RAB31: variants seen among roughly 807,000 people sequenced by gnomAD.
RAB31 encodes the protein RAB31, member RAS oncogene family.
In RAB31, 21 loss-of-function variants were observed where a neutral mutation model predicts 25.6. The ratio of observed to expected loss-of-function variants is 0.82; its 90% CI spans 0.58 to 1.18. The LOEUF is 1.18. RAB31 is among the 50% of genes most tolerant of loss of function. The pLI, the probability that RAB31 is intolerant of heterozygous loss-of-function variation, is 0.00. For missense variants in RAB31, 196 were observed against 250.1 expected (o/e 0.78, Z 1.46); for synonymous variants, 87 against 84.0 (o/e 1.04, Z -0.20).
chr18:9,715,812 G>C (rs189890535), intron 1 of RAB31, among the ~76,000 whole-genome samples: 1 of 152,146 alleles, frequency 6.6e-6, no homozygotes, highest in South Asian at 2.1e-4. Context: ...GATTACAGGC[G>C]TGAGCCACTG....
chr18:9,762,486 C>T (rs55959463), intron 1 of RAB31, among the ~76,000 whole-genome samples: 35,193 of 152,134 alleles, frequency 0.23, 5,158 homozygotes, highest in Non-Finnish European at 0.33. Context: ...GGAGCTCACA[C>T]ATGTGTTGCT....
intron 6 of RAB31, among the ~76,000 whole-genome samples, chr18:9,851,841 A>G (rs2068790726): frequency 6.6e-6 from 1 of 152,054 alleles, no homozygotes; most frequent in African/African-American, 2.4e-5. Context: ...TTATTTCACA[A>G]TATATCTCAT....
intron 1 of RAB31, among the ~76,000 whole-genome samples, chr18:9,744,486 T>C (rs1160353813): frequency 2.0e-5 from 3 of 152,246 alleles, no homozygotes; most frequent in Non-Finnish European, 4.4e-5. Context: ...ATAAAATCTT[T>C]GACATGTTCA....
intron 3 of RAB31, among the ~76,000 whole-genome samples, chr18:9,803,854 A>G (rs1367563047): frequency 3.9e-5 from 6 of 152,238 alleles, no homozygotes; most frequent in African/African-American, 1.2e-4. Flanking sequence ...GGCCCCCAGA[A>G]CTGTCGTGCC....
At chr18:9,813,787 G>A (rs2068587088) in intron 3 of RAB31, among the ~76,000 whole-genome samples, 1 of 152,150 alleles carries the variant, frequency 6.6e-6, no homozygotes, top group South Asian at 2.1e-4. Context: ...AGGAGGTGGA[G>A]GTTGCAGTGA....
chr18:9,760,595 C>T (rs1439425913), intron 1 of RAB31, among the ~76,000 whole-genome samples: 1 of 152,122 alleles, frequency 6.6e-6, no homozygotes, highest in Admixed American at 6.5e-5. Context: ...TTATTTAAAG[C>T]CGAGAGATGA....
At chr18:9,805,133 G>A (rs4798865) in intron 3 of RAB31, among the ~76,000 whole-genome samples, 34,153 of 151,648 alleles carry the variant, frequency 0.23, 3,861 homozygotes, top group South Asian at 0.31. Flanking sequence ...ACATGCAGCT[G>A]TAGTCCCAGC....
chr18:9,778,077 A>G (rs949596305), intron 2 of RAB31, among the ~76,000 whole-genome samples: 13 of 152,130 alleles, frequency 8.5e-5, no homozygotes, highest in Non-Finnish European at 1.8e-4. Flanking sequence ...TTAAAGTAAA[A>G]AGACAGTGCA....
chr18:9,775,269 C>T lies in RAB31; in HGVS notation c.40-9C>T, dbSNP rs778015516. 3.7e-6 allele frequency: 6 copies of T among 1,613,680 alleles called. No homozygotes were observed. The Admixed American group carries it at 1.0e-4, about 27-fold the overall frequency. On this transcript the variant is annotated splice_polypyrimidine_tract_variant and intron_variant, in intron 1 of 6. Coordinates refer to ENST00000578921, the MANE Select transcript of RAB31 (RefSeq NM_006868.4). ...TCATCTTCACGGTTGTATCCTCATT[C>T]TTTCCTAGGACACTGGGGTTGGGAA...
rs1014688346 is a variant in RAB31, at chr18:9,852,130, T to C, written c.490+6439T>C. Reference sequence around the variant, plus strand: ...CAAACATATACACAAGTGCACTGAATAATATAGTGAACCATTGTATACTCA... The same window carrying C: ...CAAACATATACACAAGTGCACTGAACAATATAGTGAACCATTGTATACTCA... On this transcript the variant is annotated intron_variant, in intron 6 of 6. Coordinates refer to ENST00000578921, the MANE Select transcript of RAB31 (RefSeq NM_006868.4). 8.5e-5 allele frequency among the ~76,000 whole-genome samples: 13 copies of C among 152,260 alleles called. No homozygotes were observed. In the East Asian group the frequency reaches 2.1e-3, roughly 25 times the overall value.
rs2067997557 is a variant in RAB31 at position 9,708,465 on chromosome 18, G to T, written c.39+21G>T. The T allele has an allele frequency of 1.9e-6, 3 of 1,550,596 alleles. No homozygotes were observed. The highest frequency in any genetic ancestry group is 2.6e-6 in the Non-Finnish European group (3 of 1,149,798). ...TCGGGGTGAGTCCTGGCCGCCACCC[G>T]CCGGCGGACCCCGGCCCGCGCTCTC... On this transcript the variant is annotated intron_variant, in intron 1 of 6. Coordinates refer to ENST00000578921, the MANE Select transcript of RAB31 (RefSeq NM_006868.4). The surrounding 1 kb of genome is among the most constrained non-coding windows in gnomAD (Gnocchi z 6.4).
intron 2 of RAB31, among the ~76,000 whole-genome samples, chr18:9,786,344 T>C (rs1477288142): frequency 6.6e-6 from 1 of 152,270 alleles, no homozygotes; most frequent in Non-Finnish European, 1.5e-5. Context: ...TTCATCTGTA[T>C]GCTTTGCAGT....
chr18:9,751,865 A>G lies in RAB31; in HGVS notation c.40-23413A>G, dbSNP rs16955535. ...GCCTGCTGTCCAGCCATGAGAGAACATCAGAGGGTCACAGCATACCCCAAG... is the reference window on the plus strand; with the variant it reads ...GCCTGCTGTCCAGCCATGAGAGAACGTCAGAGGGTCACAGCATACCCCAAG... On this transcript the variant is annotated intron_variant, in intron 1 of 6. Coordinates refer to ENST00000578921, the MANE Select transcript of RAB31 (RefSeq NM_006868.4). Among the ~76,000 whole-genome samples, 902 of 152,322 alleles carry G rather than the reference A, an allele frequency of 5.9e-3. 10 individuals are homozygous for G. The highest frequency in any genetic ancestry group is 0.021 in the African/African-American group (871 of 41,570).
intron 3 of RAB31, among the ~76,000 whole-genome samples, chr18:9,796,309 T>C (rs1470375467): frequency 4.6e-5 from 7 of 151,924 alleles, no homozygotes; most frequent in Admixed American, 4.6e-4. Context: ...TGCACCAAAA[T>C]CTCAGAAATG....
rs138848983 is a variant in RAB31 at position 9,729,812 on chromosome 18, T to C, written c.39+21368T>C. ...ACTCTATGTTCTATTAAAATTTTAA[T>C]TAATTTCTGAATTTGAGAAAAATCA... On this transcript the variant is annotated intron_variant, in intron 1 of 6. Transcript: ENST00000578921. Among the ~76,000 whole-genome samples, 112 of 152,330 alleles carry C rather than the reference T, an allele frequency of 7.4e-4. 1 individual carries two copies. The highest frequency in any genetic ancestry group is 2.6e-3 in the African/African-American group (109 of 41,560).
chr18:9,819,604 A>T (rs1230671042), intron 5 of RAB31, among the ~76,000 whole-genome samples: 1 of 152,164 alleles, frequency 6.6e-6, no homozygotes, highest in Non-Finnish European at 1.5e-5. Context: ...CTGAAAAACA[A>T]AAGGCAACTT....
chr18:9,845,508 TG>T, intron 5 of RAB31, 73 bp from the exon 6 acceptor site: 1 of 1,312,382 alleles, frequency 7.6e-7, no homozygotes, highest in Non-Finnish European at 1.0e-6. Flanking sequence ...CCGCACAAGC[TG>T]TCTGGTCTTT....
intron 5 of RAB31, among the ~76,000 whole-genome samples, chr18:9,818,270 G>A (rs979557357): frequency 3.9e-5 from 6 of 152,082 alleles, no homozygotes; most frequent in Admixed American, 6.5e-5. Context: ...ACAGTTCAAC[G>A]ACTGTTAGTA....
At chr18:9,811,976 A>G (rs917119296) in intron 3 of RAB31, among the ~76,000 whole-genome samples, 2 of 152,186 alleles carry the variant, frequency 1.3e-5, no homozygotes, top group African/African-American at 4.8e-5. Flanking sequence ...ACCATTTGGG[A>G]GCTGGGAAGT....
Sources: allele counts gnomAD v4.1 joint callset (sites outside exome capture counted in the v4.1 genomes callset), GRCh38; gene constraint gnomAD v4.1.1; non-coding constraint Gnocchi (gnomAD v3.1); transcripts MANE v1.5; gene names NCBI Gene and HGNC (gene_info 2026-07-23, HGNC 2026-07-21).